Variants in TMEM59 observed in about 807,000 individuals in gnomAD.
The protein encoded by TMEM59 is transmembrane protein 59, also known as dendritic cell factor 1.
Under a neutral mutation model 42.2 loss-of-function variants are expected in TMEM59, and 44 were observed. The observed-to-expected ratio is 1.04, with a 90% CI of 0.82 to 1.34. The LOEUF is 1.34. TMEM59 is among the 40% of genes most tolerant of loss of function. The pLI, the probability that TMEM59 is intolerant of heterozygous loss-of-function variation, is 0.00. For missense variants in TMEM59, 359 were observed against 382.8 expected (o/e 0.94, Z 0.52); for synonymous variants, 148 against 145.8 (o/e 1.02, Z -0.11).
rs1416924389 is a variant in TMEM59 at position 54,032,267 on chromosome 1, T to A, written c.855A>T (p.Glu285Asp). 4 of 1,611,410 alleles carry A rather than the reference T, an allele frequency of 2.5e-6. No homozygotes were observed. Among genetic ancestry groups the A allele is most frequent in the Non-Finnish European group, 3.4e-6 (4 of 1,178,560 alleles). Reference protein sequence around the residue: ...SIYGDLEFMNEQKLNRYPASS... With the variant: ...SIYGDLEFMNDQKLNRYPASS... ...AAGCTGGATATCTGTTTAGCTTTTG[T>A]TCATTCATAAACTCCAAGTCACCAT... Residue 285 changes from glutamate to aspartate, a missense_variant, in exon 8 of 8, where the codon GAA (glutamate) becomes GAT (aspartate). By Grantham distance (45) the Glu-to-Asp change is conservative (BLOSUM62 2). Transcript: ENST00000234831.
Position 54,032,098 on chromosome 1 carries a change from G to A in TMEM59, c.*52C>T. 6.6e-7 allele frequency: 1 copy of A among 1,524,488 alleles called. No individual in the cohort carries two copies. The highest frequency in any genetic ancestry group is 1.3e-5 in the South Asian group (1 of 77,618). 94.4% of individuals were successfully genotyped at this position (1,524,488 alleles called of 1,614,324 possible). On this transcript the variant is annotated 3_prime_UTR_variant, in exon 8 of 8. Transcript: ENST00000234831. ...AATGAAACCATTTTAAAAGCTCTAT[G>A]AGGAGTGGAATTTTAGATGTCTATT...
chr1:54,042,046 G>A (rs1481380532), intron 4 of TMEM59, among the ~76,000 whole-genome samples: 1 of 142,682 alleles, frequency 7.0e-6, no homozygotes, highest in Non-Finnish European at 1.5e-5. Flanking sequence ...TCCTGACAAC[G>A]TTTTGTTTTG....
Position 54,032,308 on chromosome 1 carries a change from G to C in TMEM59, c.817-3C>G, listed in dbSNP as rs775243364. The C allele has an allele frequency of 6.3e-7, 1 of 1,594,414 alleles. No individual in the cohort carries two copies. The highest frequency in any genetic ancestry group is 1.1e-5 in the South Asian group (1 of 87,774). Reference sequence around the variant, plus strand: ...AAGTCACCATAGATACTCAGCTTCTGCAAAAGAAAACCAATGTACATTAGT... The same window carrying C: ...AAGTCACCATAGATACTCAGCTTCTCCAAAAGAAAACCAATGTACATTAGT... On this transcript the variant is annotated splice_polypyrimidine_tract_variant and splice_region_variant and intron_variant, in intron 7 of 7. Coordinates refer to ENST00000234831, the MANE Select transcript of TMEM59 (RefSeq NM_004872.5).
rs1171237028 is a variant in TMEM59 at position 54,031,886 on chromosome 1, GA to G, written c.*263del. Reference sequence around the variant, plus strand: ...TGATCAGCTCATAGCTAAGAAAAGGGAAAAAAACAATAACCAAAGCAAAAAA... The same window carrying G: ...TGATCAGCTCATAGCTAAGAAAAGGGAAAAAACAATAACCAAAGCAAAAAA... On this transcript the variant is annotated 3_prime_UTR_variant, in exon 8 of 8. Coordinates refer to ENST00000234831, the MANE Select transcript of TMEM59 (RefSeq NM_004872.5). The G allele has an allele frequency of 1.8e-5, 5 of 273,090 alleles. No homozygotes were observed. The highest frequency in any genetic ancestry group is 1.3e-4 in the East Asian group (2 of 15,104). 16.9% of individuals were successfully genotyped at this position (273,090 alleles called of 1,614,324 possible). A position where few individuals can be genotyped will look rare whatever the true frequency, so the allele number is the denominator to read the frequency against.
chr1:54,032,290 C>T lies in TMEM59; in HGVS notation c.832G>A (p.Gly278Ser), dbSNP rs1334044006. 5 of 1,602,682 alleles carry T rather than the reference C, an allele frequency of 3.1e-6. No individual in the cohort carries two copies. In the East Asian group the frequency reaches 1.1e-4, roughly 36 times the overall value. Reference protein sequence around the residue: ...YVPSEKLSIYGDLEFMNEQKL... With the variant: ...YVPSEKLSIYSDLEFMNEQKL... ...TGTTCATTCATAAACTCCAAGTCAC[C>T]ATAGATACTCAGCTTCTGCAAAAGA... Residue 278 changes from glycine to serine, a missense_variant, in exon 8 of 8, where the codon GGT becomes AGT. Coordinates refer to ENST00000234831, the MANE Select transcript of TMEM59 (RefSeq NM_004872.5).
intron 1 of TMEM59, among the ~76,000 whole-genome samples, chr1:54,050,343 G>C (rs184737985): frequency 1.5e-4 from 23 of 152,096 alleles, no homozygotes; most frequent in African/African-American, 4.6e-4. Context: ...GGCTGATCTT[G>C]AACTCCTGAC....
At position 54,043,501 on chromosome 1, in the gene TMEM59, G is replaced by A. The variant is rs773651020; in HGVS notation, c.415C>T (p.His139Tyr). Reference protein sequence around the residue: ...EQLMSLMPKMHLLFPLTLVRS... With the variant: ...EQLMSLMPKMYLLFPLTLVRS... ...ACCAGAGTTAGAGGAAAGAGTAGGT[G>A]CATTTTTGGCATCAGGGACATAAGC... Residue 139 changes from histidine (H) to tyrosine (Y), a missense_variant, in exon 4 of 8, where the codon CAC becomes TAC. His to Tyr is a moderately conservative substitution (Grantham distance 83). Transcript: ENST00000234831. The A allele has an allele frequency of 2.6e-6, 4 of 1,514,374 alleles. No individual in the cohort carries two copies. The highest frequency in any genetic ancestry group is 3.5e-6 in the Non-Finnish European group (4 of 1,131,386). The allele number at this position is 1,514,374 out of a possible 1,614,324, so 93.8% of individuals were successfully genotyped here. A position where few individuals can be genotyped will look rare whatever the true frequency, so the allele number is the denominator to read the frequency against.
At position 54,047,260 on chromosome 1, in the gene TMEM59, A is replaced by T; in HGVS notation, c.295+7T>A. 1 of 1,609,654 alleles carries T rather than the reference A, an allele frequency of 6.2e-7. No individual in the cohort carries two copies. Among genetic ancestry groups the T allele is most frequent in the Non-Finnish European group, 8.5e-7 (1 of 1,176,866 alleles). ...ATACAGCTGATGTCGTTAGCATAGC[A>T]TCTTACCAGATTCACATTCCAATTT... On this transcript the variant is annotated splice_region_variant and intron_variant, in intron 2 of 7. Transcript: ENST00000234831.
At chr1:54,035,144 C>A (rs1317814229) in intron 7 of TMEM59, among the ~76,000 whole-genome samples, 3 of 152,116 alleles carry the variant, frequency 2.0e-5, no homozygotes, top group Non-Finnish European at 4.4e-5. Context: ...TTTCCAGGTA[C>A]CTACATCAAT....
intron 6 of TMEM59, among the ~76,000 whole-genome samples, chr1:54,038,741 C>T (rs915841307): frequency 3.3e-5 from 5 of 152,088 alleles, no homozygotes; most frequent in East Asian, 1.9e-4. Flanking sequence ...TATAACCTTG[C>T]GAGTAGTCAA....
At chr1:54,037,717 A>G (rs1396876831) in intron 6 of TMEM59, among the ~76,000 whole-genome samples, 1 of 152,260 alleles carries the variant, frequency 6.6e-6, no homozygotes, top group Non-Finnish European at 1.5e-5. Flanking sequence ...TCTGCCAGCA[A>G]AAGAGGTGGA....
In TMEM59 at chr1:54,029,936, A is replaced by G. The variant is rs1173520713; in HGVS notation, c.*2214T>C. The stretch of plus-strand genomic sequence containing the variant: ...TTAATTATGCTAAAAAAGAGGAGAC[A>G]AATATTTGAGTGCCTGCTAAATATC... On this transcript the variant is annotated 3_prime_UTR_variant, in exon 8 of 8. Coordinates refer to ENST00000234831, the MANE Select transcript of TMEM59 (RefSeq NM_004872.5). 2 of 152,086 alleles carry G rather than the reference A, an allele frequency of 1.3e-5. No homozygotes were observed. The highest frequency in any genetic ancestry group is 4.1e-4 in the South Asian group (2 of 4,832). 9.4% of individuals were successfully genotyped at this position (152,086 alleles called of 1,614,324 possible).
At chr1:54,047,418 T>C (rs573691350) in intron 1 of TMEM59, 46 bp from the exon 2 acceptor site, 1 of 1,523,574 alleles carries the variant, frequency 6.6e-7, no homozygotes, top group African/African-American at 1.4e-5. Context: ...ATAGTATTTT[T>C]TTTTCCTCAG....
rs115002911 is a variant in TMEM59 at position 54,028,831 on chromosome 1, T to C, written c.*3319A>G. 1,648 of 152,318 alleles carry C rather than the reference T, an allele frequency of 0.011. 12 individuals are homozygous for C. Among genetic ancestry groups the C allele is most frequent in the Middle Eastern group, 0.044 (13 of 294 alleles). The allele number at this position is 152,318 out of a possible 1,614,324, so 9.4% of individuals were successfully genotyped here. A position where few individuals can be genotyped will look rare whatever the true frequency, so the allele number is the denominator to read the frequency against. Reference sequence around the variant, plus strand: ...TGGGGTCAGGCACTGGGTCTTACTGTGGTCCTAGCATTTAGCATAGGGCCT... The same window carrying C: ...TGGGGTCAGGCACTGGGTCTTACTGCGGTCCTAGCATTTAGCATAGGGCCT... On this transcript the variant is annotated 3_prime_UTR_variant, in exon 8 of 8. Coordinates refer to ENST00000234831, the MANE Select transcript of TMEM59 (RefSeq NM_004872.5).
rs767792226 is a variant in TMEM59, at chr1:54,041,707, C to T, written c.625+17G>A. ...ACTGCTAATGTTTTTATCTAAGCTA[C>T]TTAAAATAAAACTTACAGGACATTT... On this transcript the variant is annotated intron_variant, in intron 5 of 7. Transcript: ENST00000234831. The T allele has an allele frequency of 1.2e-6, 2 of 1,604,798 alleles. No individual in the cohort carries two copies. The highest frequency in any genetic ancestry group is 1.3e-5 in the African/African-American group (1 of 74,638).
chr1:54,038,834 T>TA (rs1029665689), intron 6 of TMEM59, among the ~76,000 whole-genome samples: 6 of 151,906 alleles, frequency 3.9e-5, no homozygotes, highest in Non-Finnish European at 7.4e-5. Flanking sequence ...AAAAAGCATT[T>TA]AAAAAAAGAA....
At chr1:54,044,583 C>T (rs1239325712) in intron 3 of TMEM59, 1 of 146,794 alleles carries the variant, frequency 6.8e-6, no homozygotes, top group Non-Finnish European at 1.5e-5. Context: ...TATGGTAGCA[C>T]TTGGGCCCAG....
At position 54,032,083 on chromosome 1, in the gene TMEM59, T is replaced by C; in HGVS notation, c.*67A>G. ...TTAAGGCCTATATCCAATGAAACCA[T>C]TTTAAAAGCTCTATGAGGAGTGGAA... On this transcript the variant is annotated 3_prime_UTR_variant, in exon 8 of 8. Coordinates refer to ENST00000234831, the MANE Select transcript of TMEM59 (RefSeq NM_004872.5). 1 of 1,444,090 alleles carries C rather than the reference T, an allele frequency of 6.9e-7. No homozygotes were observed. The highest frequency in any genetic ancestry group is 9.2e-7 in the Non-Finnish European group (1 of 1,082,102). The allele number at this position is 1,444,090 out of a possible 1,614,324, so 89.5% of individuals were successfully genotyped here. A position where few individuals can be genotyped will look rare whatever the true frequency, so the allele number is the denominator to read the frequency against.
upstream of TMEM59, chr1:54,053,425 G>T: frequency 3.7e-6 from 2 of 544,876 alleles, no homozygotes; most frequent in Non-Finnish European, 6.5e-6. Flanking sequence ...AAGCGTTAGC[G>T]CGAAGCGGGG....
Sources: gnomAD v4.1 joint callset for allele counts (sites outside exome capture counted in the v4.1 genomes callset) on GRCh38, gnomAD v4.1.1 for gene constraint, MANE v1.5 for transcripts, NCBI Gene and HGNC (gene_info 2026-07-23, HGNC 2026-07-21) for gene names.